The following CFAP99 variants were observed in gnomAD, a reference collection of about 807,000 sequenced individuals.
CFAP99 encodes cilia- and flagella-associated protein 99.
CFAP99 carries 84 observed loss-of-function variants against 82.7 expected under a neutral mutation model. The ratio of observed to expected loss-of-function variants is 1.02; its 90% CI spans 0.85 to 1.22. CFAP99 has a LOEUF of 1.22. Among genes scored for constraint, CFAP99 ranks in the 50% most tolerant of loss-of-function variants. The pLI, the probability that CFAP99 is intolerant of heterozygous loss-of-function variation, is 0.00. For synonymous variants in CFAP99, 456 were observed against 429.5 expected (o/e 1.06, Z -0.76); for missense variants, 1,059 against 983.5 (o/e 1.08, Z -1.03).
At chr4:2,444,849 G>A (rs1734124772) in intron 5 of CFAP99, among the ~76,000 whole-genome samples, 1 of 152,186 alleles carries the variant, frequency 6.6e-6, no homozygotes, top group Non-Finnish European at 1.5e-5. Flanking sequence ...GGCTGTCCCT[G>A]TCCTCCCAGC....
At chr4:2,425,830 T>C (rs1452849186) in intron 1 of CFAP99, among the ~76,000 whole-genome samples, 2 of 152,042 alleles carry the variant, frequency 1.3e-5, no homozygotes, top group African/African-American at 4.8e-5. Context: ...GGCAAGCCTG[T>C]CCCCTGGAAC....
chr4:2,454,227 T>G (rs1368078897), intron 11 of CFAP99, among the ~76,000 whole-genome samples: 4 of 152,208 alleles, frequency 2.6e-5, no homozygotes, highest in African/African-American at 9.7e-5. Context: ...GGTCTTGAAC[T>G]CCTGGCCTCG....
exon 4 of CFAP99, chr4:2,438,161 C>G (rs1282074261): frequency 6.5e-7 from 1 of 1,531,282 alleles, no homozygotes; most frequent in Non-Finnish European, 8.8e-7. Context: ...ATAAGATGTG[C>G]AAGGTGAGCC....
At chr4:2,436,791 G>T in intron 2 of CFAP99, 83 bp from the exon 3 acceptor site, 5 of 1,163,274 alleles carry the variant, frequency 4.3e-6, no homozygotes, top group Non-Finnish European at 6.1e-6. Flanking sequence ...CTCCACCCCT[G>T]CCTTTGCCCA....
chr4:2,419,579 G>GT (rs1733501318), intron 1 of CFAP99, among the ~76,000 whole-genome samples: 1 of 152,164 alleles, frequency 6.6e-6, no homozygotes, highest in Admixed American at 6.5e-5. Flanking sequence ...ACGTGCAGAT[G>GT]TAAGACACAG....
At chr4:2,432,867 CCT>C (rs1411164819) in intron 2 of CFAP99, among the ~76,000 whole-genome samples, 3 of 152,242 alleles carry the variant, frequency 2.0e-5, no homozygotes, top group Non-Finnish European at 2.9e-5. Flanking sequence ...GTAGCAAGGG[CCT>C]CTCCTGCCTC....
At chr4:2,436,107 G>GTATATATAGA (rs1272946851) in intron 2 of CFAP99, among the ~76,000 whole-genome samples, 1 of 144,334 alleles carries the variant, frequency 6.9e-6, no homozygotes. Context: ...CTATATATAT[G>GTATATATAGA]TATATATAGA....
At position 2,462,660 on chromosome 4, in the gene CFAP99, G is replaced by A; in HGVS notation, c.1879G>A (p.Gly627Arg). The stretch of plus-strand genomic sequence containing the variant: ...GCGACTGAAAGCCGGGGCCGGGTGG[G>A]GATGGCGGGCGCGGCGCGCAGGGAC... Residue 627 changes from glycine to arginine, a missense_variant, in exon 15 of 15, where the codon GGA becomes AGA. By Grantham distance (125) the Gly-to-Arg change is moderately radical (BLOSUM62 -2). Coordinates refer to ENST00000635017, the Ensembl canonical transcript of CFAP99. This position sits in a 1 kb window ranked among gnomAD's most constrained non-coding sequence, Gnocchi z 4.1. The A allele has an allele frequency of 7.9e-7, 1 of 1,273,442 alleles. No individual in the cohort carries two copies. The highest frequency in any genetic ancestry group is 9.9e-7 in the Non-Finnish European group (1 of 1,012,446). 78.9% of individuals were successfully genotyped at this position (1,273,442 alleles called of 1,614,324 possible).
rs1734213352 is a variant in CFAP99 at position 2,448,060 on chromosome 4, GATGGATAGACAA to G, written c.643-1603_643-1592del. Among the ~76,000 whole-genome samples, 2 of 151,596 alleles carry G rather than the reference GATGGATAGACAA, an allele frequency of 1.3e-5. No homozygotes were observed. Among genetic ancestry groups the G allele is most frequent in the South Asian group, 4.2e-4 (2 of 4,776 alleles). On this transcript the variant is annotated intron_variant, in intron 6 of 14. Transcript: ENST00000635017. The surrounding 1 kb of genome is among the most constrained non-coding windows in gnomAD (Gnocchi z 5.2). ...GGATGGATGATCAGAGGGATGGATA[GATGGATAGACAA>G]ATGGATGGATGGGTGGGTGAGTGGG...
Position 2,443,256 on chromosome 4 carries a change from G to C in CFAP99, c.464+14G>C, listed in dbSNP as rs957494049. The C allele has an allele frequency of 6.7e-7, 1 of 1,493,562 alleles. No individual in the cohort carries two copies. The highest frequency in any genetic ancestry group is 2.0e-5 in the Admixed American group (1 of 50,948). The allele number at this position is 1,493,562 out of a possible 1,614,324, so 92.5% of individuals were successfully genotyped here. On this transcript the variant is annotated intron_variant, in intron 5 of 14. Coordinates refer to ENST00000635017, the Ensembl canonical transcript of CFAP99. ...CCCCCTGATGAGGTAGGCTGGATGGGGGGCTCTGGGGGCCCTGAATGGCAT... is the reference window on the plus strand; with the variant it reads ...CCCCCTGATGAGGTAGGCTGGATGGCGGGCTCTGGGGGCCCTGAATGGCAT...
chr4:2,434,218 G>A (rs563742707), intron 2 of CFAP99, among the ~76,000 whole-genome samples: 9 of 152,344 alleles, frequency 5.9e-5, no homozygotes, highest in Non-Finnish European at 8.8e-5. Flanking sequence ...CAGCAGGATC[G>A]AGGTTTCTGA....
chr4:2,447,682 T>C (rs551270073), intron 6 of CFAP99, among the ~76,000 whole-genome samples: 5 of 139,342 alleles, frequency 3.6e-5, no homozygotes, highest in South Asian at 4.7e-4. Context: ...GATTGGATGA[T>C]TGGATGGATG....
rs185036231 is a variant in CFAP99 at position 2,459,643 on chromosome 4, G to A, written c.1455+385G>A. Among the ~76,000 whole-genome samples, 147 of 152,330 alleles carry A rather than the reference G, an allele frequency of 9.7e-4. 3 individuals are homozygous for A. The Middle Eastern group carries it at 0.01, about 11-fold the overall frequency. On this transcript the variant is annotated intron_variant, in intron 13 of 14. Transcript: ENST00000635017. ...AGCAGGAGGTTGAGGAGGGCCTGCCGGAAGCCCGTGTGAGAAGGCATGATG... is the reference window on the plus strand; with the variant it reads ...AGCAGGAGGTTGAGGAGGGCCTGCCAGAAGCCCGTGTGAGAAGGCATGATG...
At chr4:2,442,085 G>A (rs1020540988) in intron 4 of CFAP99, among the ~76,000 whole-genome samples, 3 of 152,186 alleles carry the variant, frequency 2.0e-5, no homozygotes, top group Non-Finnish European at 2.9e-5. Context: ...AGTGAGGATG[G>A]GGGCCTCAAT....
intron 14 of CFAP99, among the ~76,000 whole-genome samples, chr4:2,461,652 G>A (rs1038474617): frequency 1.3e-5 from 2 of 152,164 alleles, no homozygotes; most frequent in South Asian, 2.1e-4. Context: ...AAGTTAGAGC[G>A]GGCTCAGGCA....
At chr4:2,452,955 C>T (rs1395571116) in intron 11 of CFAP99, among the ~76,000 whole-genome samples, 5 of 151,986 alleles carry the variant, frequency 3.3e-5, no homozygotes, top group Non-Finnish European at 5.9e-5. Context: ...GCCACCTACT[C>T]GGGAGGCTGA....
At chr4:2,421,981 G>A (rs983333468) in intron 1 of CFAP99, among the ~76,000 whole-genome samples, 2 of 152,072 alleles carry the variant, frequency 1.3e-5, no homozygotes, top group African/African-American at 4.8e-5. Context: ...CACTTGAGCT[G>A]CAGTGAGTTA....
chr4:2,426,392 C>T, intron 1 of CFAP99, 67 bp from the exon 2 acceptor site: 1 of 997,918 alleles, frequency 1.0e-6, no homozygotes, highest in Admixed American at 2.0e-5. Context: ...ACTCCTGTCG[C>T]TGCTGGGGAG....
intron 1 of CFAP99, among the ~76,000 whole-genome samples, chr4:2,425,101 C>T (rs752322416): frequency 1.3e-5 from 2 of 152,178 alleles, no homozygotes; most frequent in African/African-American, 2.4e-5. Context: ...GTTCTGTCAT[C>T]GTATTTTGGT....
Sources: gnomAD v4.1 joint callset for allele counts (sites outside exome capture counted in the v4.1 genomes callset) on GRCh38, gnomAD v4.1.1 for gene constraint, Gnocchi (gnomAD v3.1) non-coding constraint, MANE v1.5 for transcripts, NCBI Gene and HGNC (gene_info 2026-07-23, HGNC 2026-07-21) for gene names.